Variants in GOLPH3 observed in about 807,000 individuals in gnomAD.
GOLPH3 encodes the protein golgi phosphoprotein 3.
A neutral mutation model predicts 28.5 loss-of-function variants in GOLPH3; 14 were observed. That is an observed-to-expected ratio of 0.49 (90% confidence interval 0.32 to 0.77). The LOEUF (loss-of-function observed/expected upper bound fraction) is 0.77, where lower values mean the gene tolerates loss of function less well. Ranked by LOEUF, GOLPH3 falls within the 30% of genes least tolerant of loss-of-function variation. The pLI is 0.03. For synonymous variants in GOLPH3, 158 were observed against 159.2 expected, an observed-to-expected ratio of 0.99 and a Z score of 0.06; for missense variants, 350 against 393.7, an observed-to-expected ratio of 0.89 and a Z score of 0.94.
At chr5:32,155,186 TTTTAC>T (rs1270237859) in intron 1 of GOLPH3, among the ~76,000 whole-genome samples, 2 of 152,060 alleles carry the variant, frequency 1.3e-5, no homozygotes, top group Admixed American at 6.5e-5. Flanking sequence ...CATTGTTACC[TTTTAC>T]TTTGTTTTTT....
At chr5:32,165,354 G>C (rs1746687060) in intron 1 of GOLPH3, among the ~76,000 whole-genome samples, 1 of 152,164 alleles carries the variant, frequency 6.6e-6, no homozygotes, top group Non-Finnish European at 1.5e-5. Flanking sequence ...AGGCCAACGT[G>C]GGTGGATCAC....
chr5:32,163,974 A>C (rs1746650029), intron 1 of GOLPH3, among the ~76,000 whole-genome samples: 1 of 152,198 alleles, frequency 6.6e-6, no homozygotes, highest in Non-Finnish European at 1.5e-5. Flanking sequence ...ACCATTAGCA[A>C]CTTTTACATA....
chr5:32,131,828 T>C (rs1477789460), intron 3 of GOLPH3, among the ~76,000 whole-genome samples: 2 of 152,228 alleles, frequency 1.3e-5, no homozygotes, highest in East Asian at 3.8e-4. Context: ...CTTATCTTCC[T>C]TGACATCATC....
intron 2 of GOLPH3, among the ~76,000 whole-genome samples, chr5:32,143,259 C>T (rs962333748): frequency 4.6e-5 from 7 of 151,470 alleles, no homozygotes; most frequent in Non-Finnish European, 8.9e-5. Flanking sequence ...GCAGCATGCT[C>T]CTTAAGAGTC....
At position 32,173,953 on chromosome 5, in the gene GOLPH3, C is replaced by T; in HGVS notation, c.82G>A (p.Ala28Thr). The T allele has an allele frequency of 1.4e-6, 2 of 1,455,948 alleles. No individual in the cohort carries two copies. Among genetic ancestry groups the T allele is most frequent in the Non-Finnish European group, 1.8e-6 (2 of 1,110,064 alleles). The allele number at this position is 1,455,948 out of a possible 1,614,324, so 90.2% of individuals were successfully genotyped here. A position where few individuals can be genotyped will look rare whatever the true frequency, so the allele number is the denominator to read the frequency against. ...CTGCTGCCGGCGCCGCCGCCCGCCG[C>T]CCGCTCCTTGTCGGCGGCGTTGCGG... The part of the protein sequence containing the change: ...ASRNAADKER[A>T]AGGGAGSSED... The change falls in exon 1 of 4, where the codon GCG becomes ACG. Residue 28 changes from alanine (A) to threonine (T), a missense_variant. Ala to Thr is a moderately conservative substitution (Grantham distance 58). Coordinates refer to ENST00000265070, the MANE Select transcript of GOLPH3 (RefSeq NM_022130.4).
Position 32,135,704 on chromosome 5 carries a change from A to T in GOLPH3, c.358-18T>A, listed in dbSNP as rs1433265451. On this transcript the variant is annotated intron_variant, in intron 2 of 3. Transcript: ENST00000265070. The stretch of plus-strand genomic sequence containing the variant: ...CAGATTACCTAAAAAGAAAGCAAAA[A>T]GAATGAAAGGATCCACGAATGCCTT... 8.9e-6 allele frequency: 13 copies of T among 1,467,470 alleles called. No homozygotes were observed. Among genetic ancestry groups the T allele is most frequent in the Non-Finnish European group, 1.2e-5 (13 of 1,047,898 alleles). 90.9% of individuals were successfully genotyped at this position (1,467,470 alleles called of 1,614,324 possible).
chr5:32,159,812 G>T (rs573668907), intron 1 of GOLPH3, among the ~76,000 whole-genome samples: 2 of 152,286 alleles, frequency 1.3e-5, no homozygotes, highest in African/African-American at 4.8e-5. Flanking sequence ...TTTAGAGAAA[G>T]TAAGAAATAT....
intron 2 of GOLPH3, among the ~76,000 whole-genome samples, chr5:32,142,497 C>T (rs1340079259): frequency 6.6e-6 from 1 of 150,536 alleles, no homozygotes; most frequent in Non-Finnish European, 1.5e-5. Flanking sequence ...CCCACCCAGC[C>T]AGCCGCCCCG....
chr5:32,142,857 C>T (rs1198129832), intron 2 of GOLPH3, among the ~76,000 whole-genome samples: 2 of 150,468 alleles, frequency 1.3e-5, no homozygotes, highest in East Asian at 2.0e-4. Context: ...CGGCCAGCCG[C>T]CCCGTCCGGG....
intron 1 of GOLPH3, among the ~76,000 whole-genome samples, chr5:32,165,497 C>A (rs1397023336): frequency 6.6e-6 from 1 of 152,004 alleles, no homozygotes; most frequent in African/African-American, 2.4e-5. Flanking sequence ...GCAGGAGAAT[C>A]GCTTGAACCC....
At chr5:32,149,092 G>T (rs1482557332) in intron 1 of GOLPH3, among the ~76,000 whole-genome samples, 1 of 152,228 alleles carries the variant, frequency 6.6e-6, no homozygotes, top group Admixed American at 6.5e-5. Context: ...AGTTATATGG[G>T]CATGGCACTG....
Position 32,126,339 on chromosome 5 carries a change from A to G in GOLPH3, c.770T>C (p.Leu257Pro). Residue 257 changes from leucine (L) to proline (P), a missense_variant, in exon 4 of 4, where the codon CTG becomes CCG. Physicochemically the swap from Leu to Pro is moderately conservative, Grantham distance 98. Coordinates refer to ENST00000265070, the MANE Select transcript of GOLPH3 (RefSeq NM_022130.4). ...DVLENAFAPL[L>P]DEQYDLATKR... ...GGTAGCCAAATCATACTGCTCGTCC[A>G]GAAGAGGAGCAAAAGCATTCTCCAG... 1 of 1,614,180 alleles carries G rather than the reference A, an allele frequency of 6.2e-7. No individual in the cohort carries two copies. The highest frequency in any genetic ancestry group is 8.5e-7 in the Non-Finnish European group (1 of 1,180,036).
rs199570635 is a variant in GOLPH3 at position 32,171,599 on chromosome 5, C to CT, written c.225+2210dup. Among the ~76,000 whole-genome samples, 1,290 of 149,620 alleles carry CT rather than the reference C, an allele frequency of 8.6e-3. 22 individuals carry two copies. Among genetic ancestry groups the CT allele is most frequent in the African/African-American group, 0.03 (1,203 of 40,644 alleles). On this transcript the variant is annotated intron_variant, in intron 1 of 3. Coordinates refer to ENST00000265070, the MANE Select transcript of GOLPH3 (RefSeq NM_022130.4). ...AGGAATATGTTTTAATTTTGCTTTTCTTTTTTTTTGTATTTTCTAAAATGT... is the reference window on the plus strand; with the variant it reads ...AGGAATATGTTTTAATTTTGCTTTTCTTTTTTTTTTGTATTTTCTAAAATGT...
At chr5:32,130,336 A>C (rs1745799141) in intron 3 of GOLPH3, among the ~76,000 whole-genome samples, 1 of 152,224 alleles carries the variant, frequency 6.6e-6, no homozygotes, top group African/African-American at 2.4e-5. Context: ...AAAATAATAA[A>C]CAGCCAAACT....
chr5:32,130,753 A>AT lies in GOLPH3; in HGVS notation c.473-4118dup, dbSNP rs951406086. ...CATCCCTCTAATGCTGTTCTACAAT[A>AT]TTTTTTTTTCTCATGGGAATTAAGT... is the stretch of plus-strand genomic sequence containing the variant. On this transcript the variant is annotated intron_variant, in intron 3 of 3. Transcript: ENST00000265070. 9.9e-5 allele frequency among the ~76,000 whole-genome samples: 15 copies of AT among 151,658 alleles called. No individual in the cohort carries two copies. The South Asian group carries it at 2.3e-3, about 23-fold the overall frequency.
chr5:32,139,807 A>G (rs747665150), intron 2 of GOLPH3, among the ~76,000 whole-genome samples: 4 of 152,240 alleles, frequency 2.6e-5, no homozygotes. Context: ...AGAAACAGAT[A>G]TAATACAGAT....
chr5:32,134,197 CTA>C (rs1745884369), intron 3 of GOLPH3, among the ~76,000 whole-genome samples: 1 of 152,026 alleles, frequency 6.6e-6, no homozygotes. Flanking sequence ...CAGCAAGGTC[CTA>C]TCTCTACAAA....
At position 32,143,512 on chromosome 5, in the gene GOLPH3, T is replaced by C. The variant is rs79263982; in HGVS notation, c.357+237A>G. ...ATAAATAAAAGCTGCAAATGAAGTC[T>C]AGAATCTTTCTGAATTTGTAAGATC... On this transcript the variant is annotated intron_variant, in intron 2 of 3. Coordinates refer to ENST00000265070, the MANE Select transcript of GOLPH3 (RefSeq NM_022130.4). 1.2e-4 allele frequency among the ~76,000 whole-genome samples: 19 copies of C among 152,180 alleles called. No homozygotes were observed. In the East Asian group the frequency reaches 3.3e-3, roughly 26 times the overall value.
intron 3 of GOLPH3, 33 bp from the exon 4 acceptor site, chr5:32,126,669 GAGT>G: frequency 6.4e-7 from 1 of 1,559,744 alleles, no homozygotes; most frequent in East Asian, 2.2e-5. Context: ...TAGAAATGAT[GAGT>G]ATTATCTGCT....
Sources: gnomAD v4.1 joint callset for allele counts (sites outside exome capture counted in the v4.1 genomes callset) on GRCh38, gnomAD v4.1.1 for gene constraint, MANE v1.5 for transcripts, NCBI Gene and HGNC (gene_info 2026-07-23, HGNC 2026-07-21) for gene names.